The following APLN variants were observed in gnomAD, a reference collection of about 807,000 sequenced individuals.
The protein encoded by APLN is AGTRL1 ligand.
APLN carries 2 observed loss-of-function variants against 4.3 expected under a neutral mutation model. The ratio of observed to expected loss-of-function variants is 0.46; its 90% CI spans 0.19 to 1.45. The LOEUF (loss-of-function observed/expected upper bound fraction) is 1.45, where lower values mean the gene tolerates loss of function less well. Among genes scored for constraint, APLN ranks in the 40% most tolerant of loss-of-function variants. APLN has a pLI of 0.25. For missense variants in APLN, 80 were observed against 70.0 expected (o/e 1.14, Z -0.51); for synonymous variants, 34 against 30.4 (o/e 1.12, Z -0.38).
At chrX:129,650,962 G>A (rs749297536) in intron 1 of APLN, among the ~76,000 whole-genome samples, 1 of 112,019 alleles carries the variant, frequency 8.9e-6, no homozygotes, top group East Asian at 2.8e-4. Context: ...TGCTGGGGGT[G>A]CAGAAGGGAT....
At chrX:129,650,986 A>G (rs2124450563) in intron 1 of APLN, among the ~76,000 whole-genome samples, 1 of 111,781 alleles carries the variant, frequency 8.9e-6, no homozygotes, top group Non-Finnish European at 1.9e-5. Flanking sequence ...GCAGTGGTGC[A>G]GGCCATTGTA....
At position 129,647,847 on chromosome X, in the gene APLN, T is replaced by A; in HGVS notation, c.*76A>T. 2 of 982,951 alleles carry A rather than the reference T, an allele frequency of 2.0e-6. No individual in the cohort carries two copies. Among genetic ancestry groups the A allele is most frequent in the Non-Finnish European group, 2.6e-6 (2 of 756,065 alleles). The allele number at this position is 982,951 out of a possible 1,213,427, so 81.0% of individuals were successfully genotyped here. ...GTGAGAGCTGAATGGACGTGAGGCC[T>A]CCAGAGAAGCAGACCAATCTATGGA... On this transcript the variant is annotated 3_prime_UTR_variant, in exon 3 of 3. Transcript: ENST00000429967.
At chrX:129,648,541 T>G in intron 2 of APLN, 80 bp downstream of exon 2, 1 of 1,082,175 alleles carries the variant, frequency 9.2e-7, no homozygotes, top group East Asian at 3.3e-5. Context: ...TGGCCAGTGA[T>G]GAGCGGCAGG....
chrX:129,647,870 G>A lies in APLN; in HGVS notation c.*53C>T, dbSNP rs752547397. ...CCTCCAGAGAAGCAGACCAATCTAT[G>A]GAGGAGACATAACCGCCGGGGGTGG... On this transcript the variant is annotated 3_prime_UTR_variant, in exon 3 of 3. Transcript: ENST00000429967. The A allele has an allele frequency of 9.2e-6, 9 of 981,457 alleles. No individual in the cohort carries two copies. The African/African-American group carries it at 1.8e-4, about 20-fold the overall frequency. 80.9% of individuals were successfully genotyped at this position (981,457 alleles called of 1,213,427 possible). A position where few individuals can be genotyped will look rare whatever the true frequency, so the allele number is the denominator to read the frequency against.
rs183967501 is a variant in APLN, at chrX:129,648,865, C to G, written c.68-73G>C. The G allele has an allele frequency of 1.4e-4, 133 of 944,842 alleles. No homozygotes were observed. The African/African-American group carries it at 2.2e-3, about 15-fold the overall frequency. The allele number at this position is 944,842 out of a possible 1,213,427, so 77.9% of individuals were successfully genotyped here. A position where few individuals can be genotyped will look rare whatever the true frequency, so the allele number is the denominator to read the frequency against. ...GCAGGGGCTGCAGACCACAGGCCCG[C>G]GGGAGGGGTGGTCTGTCCATGTGGT... On this transcript the variant is annotated intron_variant, in intron 1 of 2. Transcript: ENST00000429967.
At chrX:129,648,470 G>A in intron 2 of APLN, 151 bp downstream of exon 2, 1 of 656,359 alleles carries the variant, frequency 1.5e-6, no homozygotes. Flanking sequence ...TGCCCCATAA[G>A]CTCTCTTGCC....
At chrX:129,653,644 GA>G (rs1233656189) in intron 1 of APLN, among the ~76,000 whole-genome samples, 1 of 112,668 alleles carries the variant, frequency 8.9e-6, no homozygotes, top group Non-Finnish European at 1.9e-5. Flanking sequence ...CGTGGTTGGG[GA>G]CCAGGCTAGG....
chrX:129,647,808 A>G lies in APLN; in HGVS notation c.*115T>C. On this transcript the variant is annotated 3_prime_UTR_variant, in exon 3 of 3. Transcript: ENST00000429967. ...AGAAGAGCTGGGCCCACTGGTGGCT[A>G]CAGCAGGTGCGAGGTGAGAGCTGAA... The G allele has an allele frequency of 1.0e-6, 1 of 983,216 alleles. No individual in the cohort carries two copies. 81.0% of individuals were successfully genotyped at this position (983,216 alleles called of 1,213,427 possible).
intron 1 of APLN, among the ~76,000 whole-genome samples, chrX:129,651,142 G>GCTCTGA (rs60418816): frequency 0.3 from 32,595 of 109,426 alleles, 7,446 homozygotes; most frequent in African/African-American, 0.76. Context: ...AGGGTTGGTG[G>GCTCTGA]CTCTGGCCAG....
In APLN at chrX:129,647,493, A is replaced by T; in HGVS notation, c.*430T>A. 1.7e-6 allele frequency: 1 copy of T among 590,412 alleles called. No homozygotes were observed. The highest frequency in any genetic ancestry group is 2.3e-6 in the Non-Finnish European group (1 of 432,708). The allele number at this position is 590,412 out of a possible 1,213,427, so 48.7% of individuals were successfully genotyped here. ...CCCTGGAGGCCAGGTGAGGGGTCCA[A>T]CTGACAGGAAAACAAGGGATCTGCT... On this transcript the variant is annotated 3_prime_UTR_variant, in exon 3 of 3. Coordinates refer to ENST00000429967, the MANE Select transcript of APLN (RefSeq NM_017413.5).
At chrX:129,651,135 G>T (rs1179127311) in intron 1 of APLN, among the ~76,000 whole-genome samples, 3 of 87,323 alleles carry the variant, frequency 3.4e-5, no homozygotes, top group African/African-American at 2.5e-4. Context: ...GGGGAGCAGG[G>T]TTGGTGGCTC....
chrX:129,648,639 G>C lies in APLN; in HGVS notation c.221C>G (p.Pro74Arg), dbSNP rs1343477221. 4 of 1,206,181 alleles carry C rather than the reference G, an allele frequency of 3.3e-6. No individual in the cohort carries two copies. The highest frequency in any genetic ancestry group is 2.2e-5 in the Admixed American group (1 of 45,499). The change falls in exon 2 of 3, where the codon CCC becomes CGC. Residue 74 changes from proline to arginine, a missense_variant. Physicochemically the swap from Pro to Arg is moderately radical, Grantham distance 103 (BLOSUM62 -2). Coordinates refer to ENST00000429967, the MANE Select transcript of APLN (RefSeq NM_017413.5). The stretch of plus-strand genomic sequence containing the variant: ...CAAGTACCTGCTTCAGAAAGGCATG[G>C]GTCCCTTATGGGAGAGGCGGGGCCG... ...RQRPRLSHKG[P>R]MPF
At chrX:129,654,511 G>A (rs915000667) in intron 1 of APLN, 53 bp downstream of exon 1, 36 of 1,112,963 alleles carry the variant, frequency 3.2e-5, no homozygotes, top group Non-Finnish European at 4.2e-5. Flanking sequence ...ATAGGGCGGA[G>A]GGAAAGGAGC....
rs1429767599 is a variant in APLN, at chrX:129,647,729, G to A, written c.*194C>T. 3 of 980,793 alleles carry A rather than the reference G, an allele frequency of 3.1e-6. No homozygotes were observed. Among genetic ancestry groups the A allele is most frequent in the Non-Finnish European group, 4.0e-6 (3 of 755,745 alleles). 80.8% of individuals were successfully genotyped at this position (980,793 alleles called of 1,213,427 possible). On this transcript the variant is annotated 3_prime_UTR_variant, in exon 3 of 3. Coordinates refer to ENST00000429967, the MANE Select transcript of APLN (RefSeq NM_017413.5). ...ACTGGACGGATTCTTGTGAGAGAAC[G>A]GGAATCATCCAAACTACAGCCAGGA...
Position 129,645,299 on chromosome X carries a change from A to G in APLN, c.*2624T>C, listed in dbSNP as rs1230954296. The G allele has an allele frequency of 8.9e-6, 1 of 112,522 alleles. No homozygotes were observed. Among genetic ancestry groups the G allele is most frequent in the East Asian group, 2.8e-4 (1 of 3,617 alleles). 9.3% of individuals were successfully genotyped at this position (112,522 alleles called of 1,213,427 possible). A position where few individuals can be genotyped will look rare whatever the true frequency, so the allele number is the denominator to read the frequency against. ...TGCATTTTATTTTTCAGGCTATCTC[A>G]TTCATCAAGCAACTCTACTTTGTGA... On this transcript the variant is annotated 3_prime_UTR_variant, in exon 3 of 3. Coordinates refer to ENST00000429967, the MANE Select transcript of APLN (RefSeq NM_017413.5).
chrX:129,651,007 G>T (rs1450383788), intron 1 of APLN, among the ~76,000 whole-genome samples: 1 of 111,865 alleles, frequency 8.9e-6, no homozygotes, highest in Non-Finnish European at 1.9e-5. Context: ...GCTCAGGGTG[G>T]TGGCAGACAT....
intron 1 of APLN, among the ~76,000 whole-genome samples, chrX:129,649,632 G>A (rs959790409): frequency 8.9e-6 from 1 of 111,785 alleles, no homozygotes; most frequent in Non-Finnish European, 1.9e-5. Context: ...ACCAGGAGGG[G>A]GGTGGGCTGT....
intron 1 of APLN, among the ~76,000 whole-genome samples, chrX:129,652,860 G>C (rs1021549889): frequency 1.8e-5 from 2 of 111,114 alleles, no homozygotes; most frequent in African/African-American, 6.6e-5. Context: ...ACAGCCTCTG[G>C]GGGGAGCACC....
rs1329475057 is a variant in APLN at position 129,647,746 on chromosome X, C to A, written c.*177G>T. The A allele has an allele frequency of 4.1e-6, 4 of 980,904 alleles. No homozygotes were observed. The highest frequency in any genetic ancestry group is 4.0e-6 in the Non-Finnish European group (3 of 755,779). 80.8% of individuals were successfully genotyped at this position (980,904 alleles called of 1,213,427 possible). On this transcript the variant is annotated 3_prime_UTR_variant, in exon 3 of 3. Transcript: ENST00000429967. ...GAGAGAACGGGAATCATCCAAACTACAGCCAGGAGCACGCCACTGGGGGAA... is the reference window on the plus strand; with the variant it reads ...GAGAGAACGGGAATCATCCAAACTAAAGCCAGGAGCACGCCACTGGGGGAA...
Sources: gnomAD v4.1 joint callset for allele counts (sites outside exome capture counted in the v4.1 genomes callset) on GRCh38, gnomAD v4.1.1 for gene constraint, MANE v1.5 for transcripts, NCBI Gene and HGNC (gene_info 2026-07-23, HGNC 2026-07-21) for gene names.